CSMD1: variants seen among roughly 807,000 people sequenced by gnomAD.
The protein encoded by CSMD1 is CUB and sushi domain-containing protein 1.
In CSMD1, 213 loss-of-function variants were observed where a neutral mutation model predicts 417.5. That is an observed-to-expected ratio of 0.51 (90% CI 0.46 to 0.57). The LOEUF (loss-of-function observed/expected upper bound fraction) is 0.57. Ranked by LOEUF, CSMD1 falls within the 20% of genes least tolerant of loss-of-function variation. The pLI is 0.00. For synonymous variants in CSMD1, 2,862 were observed against 1,736.8 expected (o/e 1.65, Z -16.11); for missense variants, 6,923 against 4,529.7 (o/e 1.53, Z -15.17).
chr8:3,386,156 C>G (rs554655083), intron 18 of CSMD1, among the ~76,000 whole-genome samples: 1 of 152,094 alleles, frequency 6.6e-6, no homozygotes, highest in East Asian at 1.9e-4. Context: ...TAACCAATAG[C>G]AGGAAAAGAA....
intron 18 of CSMD1, among the ~76,000 whole-genome samples, chr8:3,386,445 C>T (rs1050633332): frequency 3.3e-5 from 5 of 152,222 alleles, no homozygotes; most frequent in Admixed American, 1.3e-4. Flanking sequence ...TGCTGTCCAC[C>T]TGCACTCTGT....
chr8:3,533,363 A>C (rs1322206236), intron 10 of CSMD1, among the ~76,000 whole-genome samples: 2 of 152,148 alleles, frequency 1.3e-5, no homozygotes, highest in Admixed American at 6.5e-5. Context: ...ACATAAGAGA[A>C]CTTTATACTC....
At chr8:3,854,794 T>C (rs1433108203) in intron 5 of CSMD1, among the ~76,000 whole-genome samples, 6 of 151,894 alleles carry the variant, frequency 4.0e-5, no homozygotes, top group Non-Finnish European at 7.4e-5. Context: ...TCAAAATTCA[T>C]ATCGAGCTGT....
chr8:3,948,524 A>T (rs1261326660), intron 5 of CSMD1, among the ~76,000 whole-genome samples: 2 of 152,050 alleles, frequency 1.3e-5, no homozygotes, highest in Non-Finnish European at 2.9e-5. Context: ...TATTTTCTTT[A>T]TTTTATATAT....
intron 10 of CSMD1, among the ~76,000 whole-genome samples, chr8:3,543,005 C>G (rs554958143): frequency 2.0e-5 from 3 of 152,236 alleles, no homozygotes; most frequent in African/African-American, 7.2e-5. Flanking sequence ...TGAGTAAAAT[C>G]CCACTTCATG....
chr8:4,188,347 A>T (rs1201638763), intron 3 of CSMD1, among the ~76,000 whole-genome samples: 1 of 152,188 alleles, frequency 6.6e-6, no homozygotes, highest in African/African-American at 2.4e-5. Flanking sequence ...GACAATGCAA[A>T]CCGAGGTGCC....
chr8:4,815,117 T>C (rs1380094399), intron 1 of CSMD1, among the ~76,000 whole-genome samples: 1 of 152,152 alleles, frequency 6.6e-6, no homozygotes, highest in Non-Finnish European at 1.5e-5. Flanking sequence ...TCTGACTCAA[T>C]CAATGACATC....
chr8:3,390,842 C>T (rs1811306058), intron 17 of CSMD1, among the ~76,000 whole-genome samples: 1 of 152,106 alleles, frequency 6.6e-6, no homozygotes, highest in African/African-American at 2.4e-5. Flanking sequence ...AAGGAATGAA[C>T]ATTTCCTGAG....
At chr8:4,239,957 A>G (rs545590672) in intron 3 of CSMD1, among the ~76,000 whole-genome samples, 2 of 152,202 alleles carry the variant, frequency 1.3e-5, no homozygotes, top group African/African-American at 2.4e-5. Flanking sequence ...GCACTTTTAA[A>G]TCCAAACCTC....
intron 12 of CSMD1, among the ~76,000 whole-genome samples, chr8:3,437,789 C>G (rs761504349): frequency 2.0e-4 from 31 of 152,016 alleles, no homozygotes; most frequent in Admixed American, 5.2e-4. Context: ...GCTCTGTTGC[C>G]CAGGCTGGAG....
At chr8:3,356,519 A>G (rs1808802623) in intron 21 of CSMD1, among the ~76,000 whole-genome samples, 1 of 152,172 alleles carries the variant, frequency 6.6e-6, no homozygotes, top group Admixed American at 6.5e-5. Flanking sequence ...TACTAAAAAT[A>G]CAAAAATTAG....
chr8:4,047,066 A>C (rs996879544), intron 3 of CSMD1, among the ~76,000 whole-genome samples: 1 of 152,168 alleles, frequency 6.6e-6, no homozygotes, highest in African/African-American at 2.4e-5. Context: ...TACAGAATTA[A>C]ATGTGGTCTT....
chr8:4,567,487 A>T (rs1798667874), intron 2 of CSMD1, among the ~76,000 whole-genome samples: 1 of 152,130 alleles, frequency 6.6e-6, no homozygotes, highest in Admixed American at 6.5e-5. Context: ...ATTCCAATGT[A>T]CTACTTCTTC....
At chr8:3,788,121 T>C (rs1456194193) in intron 5 of CSMD1, among the ~76,000 whole-genome samples, 1 of 152,200 alleles carries the variant, frequency 6.6e-6, no homozygotes, top group Non-Finnish European at 1.5e-5. Flanking sequence ...AAATTTTCTT[T>C]AAAATATTCT....
At chr8:3,788,108 C>A (rs1365705576) in intron 5 of CSMD1, among the ~76,000 whole-genome samples, 2 of 152,112 alleles carry the variant, frequency 1.3e-5, no homozygotes, top group Non-Finnish European at 2.9e-5. Context: ...ACGCTTAGTT[C>A]TAAAATTTTC....
intron 11 of CSMD1, among the ~76,000 whole-genome samples, chr8:3,473,336 C>T (rs1040026012): frequency 1.3e-5 from 2 of 152,052 alleles, no homozygotes; most frequent in African/African-American, 4.8e-5. Flanking sequence ...TGCTATGTGA[C>T]AGTTATATTT....
intron 2 of CSMD1, among the ~76,000 whole-genome samples, chr8:4,522,099 T>A (rs1803483546): frequency 6.6e-6 from 1 of 152,110 alleles, no homozygotes; most frequent in Admixed American, 6.6e-5. Flanking sequence ...GATTCCCATG[T>A]GTTGTGGGAG....
intron 12 of CSMD1, among the ~76,000 whole-genome samples, chr8:3,434,292 C>G (rs1373199331): frequency 6.6e-6 from 1 of 152,142 alleles, no homozygotes; most frequent in South Asian, 2.1e-4. Flanking sequence ...GATATAATCT[C>G]TAATGCAAAA....
intron 5 of CSMD1, among the ~76,000 whole-genome samples, chr8:3,903,920 A>C (rs1415879468): frequency 6.6e-6 from 1 of 152,014 alleles, no homozygotes; most frequent in Non-Finnish European, 1.5e-5. Context: ...ACTACCATGT[A>C]CCTCTTTGGT....
Sources: gnomAD v4.1 joint callset for allele counts (sites outside exome capture counted in the v4.1 genomes callset) on GRCh38, gnomAD v4.1.1 for gene constraint, MANE v1.5 for transcripts, NCBI Gene and HGNC (gene_info 2026-07-23, HGNC 2026-07-21) for gene names.